Variants in PRKN observed in about 807,000 individuals in gnomAD.
PRKN encodes the protein parkin RBR E3 ubiquitin protein ligase.
A neutral mutation model predicts 59.5 loss-of-function variants in PRKN; 56 were observed. The ratio of observed to expected loss-of-function variants is 0.94; its 90% CI spans 0.76 to 1.18. The LOEUF (loss-of-function observed/expected upper bound fraction) is 1.18. PRKN is among the 50% of genes most tolerant of loss of function. The probability of loss-of-function intolerance (pLI) is 0.00; values close to 1 mark genes in which losing one functional copy is unlikely to be tolerated. For synonymous variants in PRKN, 250 were observed against 222.1 expected, an observed-to-expected ratio of 1.13 and a Z score of -1.12; for missense variants, 657 against 596.4, an observed-to-expected ratio of 1.10 and a Z score of -1.06.
chr6:162,528,185 G>C (rs918008749), intron 1 of PRKN, among the ~76,000 whole-genome samples: 5 of 152,114 alleles, frequency 3.3e-5, no homozygotes, highest in Non-Finnish European at 7.4e-5. Flanking sequence ...AGCCAGGCGT[G>C]GTGGTGGGTG....
Position 162,664,815 on chromosome 6 carries a change from T to A in PRKN, c.7+62847A>T, listed in dbSNP as rs375709069. Among the ~76,000 whole-genome samples, 8 of 152,318 alleles carry A rather than the reference T, an allele frequency of 5.3e-5. 1 individual carries two copies. The highest frequency in any genetic ancestry group is 1.9e-4 in the African/African-American group (8 of 41,572). ...TCAGATGGGTATACTGCAAAAATTT[T>A]CTCCCATTCTCTAGGTTGCCTGTGC... On this transcript the variant is annotated intron_variant, in intron 1 of 11. Coordinates refer to ENST00000366898, the MANE Select transcript of PRKN (RefSeq NM_004562.3).
At chr6:162,506,427 A>T (rs1394601773) in intron 1 of PRKN, among the ~76,000 whole-genome samples, 1 of 152,190 alleles carries the variant, frequency 6.6e-6, no homozygotes, top group Non-Finnish European at 1.5e-5. Context: ...GAATTTGATT[A>T]TTACAGTCCT....
intron 8 of PRKN, among the ~76,000 whole-genome samples, chr6:161,563,846 G>A (rs917544702): frequency 2.0e-5 from 3 of 152,070 alleles, no homozygotes; most frequent in Admixed American, 6.6e-5. Context: ...TGAGTATTAC[G>A]CTTACTTTAC....
At chr6:162,452,899 C>T (rs550718656) in intron 1 of PRKN, among the ~76,000 whole-genome samples, 5 of 139,426 alleles carry the variant, frequency 3.6e-5, no homozygotes, top group Admixed American at 2.2e-4. Flanking sequence ...ATAAAAAATA[C>T]GCCAAGTAAA....
rs139025298 is a variant in PRKN, at chr6:162,395,057, A to G, written c.171+48253T>C. On this transcript the variant is annotated intron_variant, in intron 2 of 11. Coordinates refer to ENST00000366898, the MANE Select transcript of PRKN (RefSeq NM_004562.3). ...TAGTGAACCCCCATTTAAAAGATAT[A>G]CTATCTCAATCAACTCACCTATGTA... 1.4e-4 allele frequency among the ~76,000 whole-genome samples: 21 copies of G among 152,304 alleles called. No homozygotes were observed. The East Asian group carries it at 2.5e-3, about 18-fold the overall frequency.
intron 5 of PRKN, among the ~76,000 whole-genome samples, chr6:161,999,971 C>T (rs978618706): frequency 3.9e-5 from 6 of 151,998 alleles, no homozygotes; most frequent in Admixed American, 6.6e-5. Flanking sequence ...ATTAACTATG[C>T]GTGAGTTCTT....
At chr6:162,045,930 T>C (rs1582948924) in intron 5 of PRKN, among the ~76,000 whole-genome samples, 1 of 152,234 alleles carries the variant, frequency 6.6e-6, no homozygotes, top group East Asian at 1.9e-4. Flanking sequence ...TAATGTACCA[T>C]CTCGATTGAA....
intron 6 of PRKN, among the ~76,000 whole-genome samples, chr6:161,803,722 T>G (rs1222659773): frequency 1.3e-5 from 2 of 152,206 alleles, no homozygotes; most frequent in Admixed American, 6.5e-5. Context: ...TTATTAGATG[T>G]GTGACCTATT....
At chr6:162,605,013 G>A (rs1781854448) in intron 1 of PRKN, among the ~76,000 whole-genome samples, 1 of 151,932 alleles carries the variant, frequency 6.6e-6, no homozygotes, top group African/African-American at 2.4e-5. Flanking sequence ...TGCAAAATGA[G>A]GATTCATACT....
chr6:162,594,110 A>C, intron 1 of PRKN, among the ~76,000 whole-genome samples: 1 of 152,106 alleles, frequency 6.6e-6, no homozygotes, highest in Non-Finnish European at 1.5e-5. Context: ...AGATTGTACC[A>C]CTGCACTCCA....
intron 7 of PRKN, among the ~76,000 whole-genome samples, chr6:161,707,503 A>C (rs1198785902): frequency 2.6e-5 from 4 of 152,168 alleles, no homozygotes; most frequent in African/African-American, 7.2e-5. Flanking sequence ...ATGGCTCATA[A>C]ATGCTCTACA....
intron 2 of PRKN, among the ~76,000 whole-genome samples, chr6:162,295,698 T>C (rs1173177535): frequency 6.6e-6 from 1 of 152,198 alleles, no homozygotes; most frequent in Non-Finnish European, 1.5e-5. Context: ...TGCTCTTCAC[T>C]TCCCAGGAAA....
chr6:162,197,498 AG>A (rs1784541790), intron 4 of PRKN, among the ~76,000 whole-genome samples: 1 of 152,168 alleles, frequency 6.6e-6, no homozygotes, highest in African/African-American at 2.4e-5. Context: ...TTTAAGTACA[AG>A]GGAAGTAGTT....
chr6:161,469,456 C>T lies in PRKN; in HGVS notation c.1083+79398G>A, dbSNP rs916218529. Among the ~76,000 whole-genome samples, 8 of 148,632 alleles carry T rather than the reference C, an allele frequency of 5.4e-5. No homozygotes were observed. In the East Asian group the frequency reaches 6.0e-4, roughly 11 times the overall value. On this transcript the variant is annotated intron_variant, in intron 9 of 11. Transcript: ENST00000366898. ...GCAGTGTGAGAACAGACTAATACATCGCAACGGGAGTTTGCAGAAATGAGT... is the reference window on the plus strand; with the variant it reads ...GCAGTGTGAGAACAGACTAATACATTGCAACGGGAGTTTGCAGAAATGAGT...
chr6:161,756,917 A>G (rs1312961614), intron 7 of PRKN, among the ~76,000 whole-genome samples: 1 of 152,232 alleles, frequency 6.6e-6, no homozygotes, highest in Admixed American at 6.5e-5. Context: ...CACAGAGCGC[A>G]GAGAACAGAA....
At chr6:162,063,698 C>T (rs911112830) in intron 4 of PRKN, among the ~76,000 whole-genome samples, 1 of 152,058 alleles carries the variant, frequency 6.6e-6, no homozygotes, top group African/African-American at 2.4e-5. Flanking sequence ...GCATTTGCCA[C>T]CACACCCGGC....
chr6:162,097,528 G>A (rs1259879218), intron 4 of PRKN, among the ~76,000 whole-genome samples: 2 of 152,280 alleles, frequency 1.3e-5, no homozygotes, highest in East Asian at 1.9e-4. Flanking sequence ...TGGTGGTTAA[G>A]GAAATAAATT....
chr6:161,724,606 G>A (rs2128186345), intron 7 of PRKN, among the ~76,000 whole-genome samples: 1 of 152,306 alleles, frequency 6.6e-6, no homozygotes, highest in East Asian at 1.9e-4. Context: ...TGCTGAGGCT[G>A]TAATAATTTT....
chr6:162,609,595 CATT>C (rs1782059087), intron 1 of PRKN, among the ~76,000 whole-genome samples: 1 of 152,164 alleles, frequency 6.6e-6, no homozygotes, highest in African/African-American at 2.4e-5. Flanking sequence ...GGTAATCTCT[CATT>C]ATTGTAGGAT....
Sources: gnomAD v4.1 joint callset for allele counts (sites outside exome capture counted in the v4.1 genomes callset) on GRCh38, gnomAD v4.1.1 for gene constraint, MANE v1.5 for transcripts, NCBI Gene and HGNC (gene_info 2026-07-23, HGNC 2026-07-21) for gene names.